TRDN: variants seen among roughly 807,000 people sequenced by gnomAD.
TRDN encodes triadin in skeletal muscle.
In TRDN, 161 loss-of-function variants were observed where a neutral mutation model predicts 149.7. The observed-to-expected ratio is 1.08, with a 90% CI of 0.95 to 1.23. The LOEUF is 1.23. Among genes scored for constraint, TRDN ranks in the 50% most tolerant of loss-of-function variants. The pLI, the probability that TRDN is intolerant of heterozygous loss-of-function variation, is 0.00. For missense variants in TRDN, 896 were observed against 823.5 expected (o/e 1.09, Z -1.08); for synonymous variants, 294 against 250.5 (o/e 1.17, Z -1.64).
intron 6 of TRDN, among the ~76,000 whole-genome samples, chr6:123,515,741 C>A (rs1779380670): frequency 6.6e-6 from 1 of 152,028 alleles, no homozygotes; most frequent in Non-Finnish European, 1.5e-5. Context: ...AACTTATTAT[C>A]TATTCTACAT....
chr6:123,254,809 A>G (rs952089484), intron 37 of TRDN: 10 of 277,190 alleles, frequency 3.6e-5, no homozygotes, highest in African/African-American at 2.0e-4. Flanking sequence ...ATGCTAAAAA[A>G]GTCTTTGTAA....
At chr6:123,519,422 CTA>C (rs1779565056) in intron 5 of TRDN, among the ~76,000 whole-genome samples, 1 of 151,410 alleles carries the variant, frequency 6.6e-6, no homozygotes, top group Admixed American at 6.6e-5. Flanking sequence ...ACCAGGCAGA[CTA>C]TGTCTTTTTC....
intron 14 of TRDN, among the ~76,000 whole-genome samples, chr6:123,384,505 T>G (rs1364119920): frequency 6.6e-6 from 1 of 152,132 alleles, no homozygotes; most frequent in Non-Finnish European, 1.5e-5. Context: ...CATGGCATAT[T>G]AGAACAAGAT....
intron 20 of TRDN, among the ~76,000 whole-genome samples, chr6:123,361,513 T>C (rs2114340376): frequency 6.6e-6 from 1 of 150,950 alleles, no homozygotes; most frequent in East Asian, 2.0e-4. Flanking sequence ...GAACTTAAAG[T>C]ATAATAAAAA....
At chr6:123,593,128 G>T (rs1490267052) in intron 1 of TRDN, among the ~76,000 whole-genome samples, 1 of 152,098 alleles carries the variant, frequency 6.6e-6, no homozygotes, top group Non-Finnish European at 1.5e-5. Flanking sequence ...TTTTGCTAAG[G>T]CAGTTTTCAT....
At chr6:123,562,230 T>C (rs9375266) in intron 2 of TRDN, among the ~76,000 whole-genome samples, 76,529 of 151,884 alleles carry the variant, frequency 0.5, 20,012 homozygotes, top group East Asian at 0.92. Context: ...AATGGCCGCA[T>C]CCCTATCTCC....
chr6:123,553,344 T>G (rs1328339059), intron 2 of TRDN, among the ~76,000 whole-genome samples: 1 of 152,100 alleles, frequency 6.6e-6, no homozygotes, highest in Non-Finnish European at 1.5e-5. Context: ...ACCCTTATGC[T>G]TTCCTTCCAA....
chr6:123,408,430 C>T (rs1477421581), intron 12 of TRDN, among the ~76,000 whole-genome samples: 1 of 152,084 alleles, frequency 6.6e-6, no homozygotes, highest in Non-Finnish European at 1.5e-5. Context: ...GTAATCCCAA[C>T]ACTTTGGGAG....
intron 1 of TRDN, among the ~76,000 whole-genome samples, chr6:123,584,715 C>T (rs1177634063): frequency 1.3e-5 from 2 of 152,034 alleles, no homozygotes; most frequent in Non-Finnish European, 2.9e-5. Flanking sequence ...AGGGTCAGTC[C>T]AAGTGAAAGC....
intron 21 of TRDN, among the ~76,000 whole-genome samples, chr6:123,343,325 G>T (rs1415266327): frequency 3.3e-5 from 5 of 151,634 alleles, no homozygotes; most frequent in African/African-American, 1.2e-4. Context: ...CTATAACAAT[G>T]TTATTCATTA....
intron 9 of TRDN, among the ~76,000 whole-genome samples, chr6:123,481,457 T>C (rs940269852): frequency 4.6e-5 from 7 of 150,924 alleles, no homozygotes; most frequent in African/African-American, 1.7e-4. Flanking sequence ...GGACCCTCTG[T>C]TTTTGAAAAC....
At chr6:123,266,197 ATTATATATT>A (rs1248690352) in intron 32 of TRDN, among the ~76,000 whole-genome samples, 4 of 77,660 alleles carry the variant, frequency 5.2e-5, no homozygotes, top group Admixed American at 2.6e-4. Flanking sequence ...TATAATATGT[ATTATATATT>A]ATATATATTA....
intron 9 of TRDN, among the ~76,000 whole-genome samples, chr6:123,490,283 T>A (rs6941565): frequency 0.69 from 104,912 of 152,062 alleles, 36,608 homozygotes; most frequent in East Asian, 0.86. Context: ...CTGAATTCTA[T>A]GTATGCTGTG....
chr6:123,523,647 G>C (rs1303897399), intron 5 of TRDN, among the ~76,000 whole-genome samples: 1 of 152,126 alleles, frequency 6.6e-6, no homozygotes, highest in African/African-American at 2.4e-5. Context: ...TTGGAGAAGA[G>C]AGAAAGTAGA....
intron 8 of TRDN, among the ~76,000 whole-genome samples, chr6:123,497,936 T>G (rs960607893): frequency 6.6e-6 from 1 of 151,612 alleles, no homozygotes; most frequent in Admixed American, 6.6e-5. Context: ...AAAAAAAACA[T>G]AGTATGTAAA....
At chr6:123,512,735 G>T (rs550907436) in intron 6 of TRDN, among the ~76,000 whole-genome samples, 1 of 152,120 alleles carries the variant, frequency 6.6e-6, no homozygotes, top group African/African-American at 2.4e-5. Flanking sequence ...TGTGTTGTTT[G>T]GTAGTTTCCC....
chr6:123,337,248 A>G (rs574015489), intron 22 of TRDN, among the ~76,000 whole-genome samples: 1 of 152,044 alleles, frequency 6.6e-6, no homozygotes, highest in Non-Finnish European at 1.5e-5. Flanking sequence ...AGTGCTTGGG[A>G]TATATTATGC....
At chr6:123,427,260 A>C (rs2114560708) in intron 12 of TRDN, among the ~76,000 whole-genome samples, 1 of 151,400 alleles carries the variant, frequency 6.6e-6, no homozygotes, top group East Asian at 1.9e-4. Context: ...TCCTGGAATA[A>C]ACTCTTGACC....
At chr6:123,223,017 GAGAGA>G (rs955214879) in intron 39 of TRDN, among the ~76,000 whole-genome samples, 5 of 151,820 alleles carry the variant, frequency 3.3e-5, no homozygotes, top group African/African-American at 1.2e-4. Flanking sequence ...GGAGCTTGCA[GAGAGA>G]AGAGAACACT....
Sources: gnomAD v4.1 joint callset for allele counts (sites outside exome capture counted in the v4.1 genomes callset) on GRCh38, gnomAD v4.1.1 for gene constraint, MANE v1.5 for transcripts, NCBI Gene and HGNC (gene_info 2026-07-23, HGNC 2026-07-21) for gene names.